The following MAGI3 variants were observed in gnomAD, a reference collection of about 807,000 sequenced individuals.
The protein encoded by MAGI3 is membrane associated guanylate kinase, WW and PDZ domain containing 3.
A neutral mutation model predicts 121.8 loss-of-function variants in MAGI3; 43 were observed. The observed-to-expected ratio is 0.35, with a 90% confidence interval of 0.28 to 0.46. MAGI3 has a LOEUF of 0.46. Ranked by LOEUF, MAGI3 falls within the 20% of genes least tolerant of loss-of-function variation. MAGI3 has a pLI of 1.00. For missense variants in MAGI3, 1,547 were observed against 1,797.3 expected (o/e 0.86, Z 2.52); for synonymous variants, 553 against 639.3 (o/e 0.86, Z 2.04).
chr1:113,649,474 T>C (rs1557874087), intron 13 of MAGI3, 146 bp downstream of exon 13: 1 of 566,992 alleles, frequency 1.8e-6, no homozygotes, highest in African/African-American at 1.9e-5. Context: ...ATTATCATAG[T>C]CCCTCAGTTA....
intron 1 of MAGI3, among the ~76,000 whole-genome samples, chr1:113,495,372 T>A (rs950653532): frequency 1.3e-5 from 2 of 151,284 alleles, no homozygotes; most frequent in African/African-American, 4.9e-5. Flanking sequence ...TTTTTTTTTT[T>A]AATTTCAGTA....
At chr1:113,647,717 G>C (rs558386266) in intron 12 of MAGI3, among the ~76,000 whole-genome samples, 1 of 152,282 alleles carries the variant, frequency 6.6e-6, no homozygotes, top group South Asian at 2.1e-4. Context: ...AGTTGCAGAA[G>C]TACATCTTGA....
intron 9 of MAGI3, among the ~76,000 whole-genome samples, chr1:113,638,427 T>C (rs1300423746): frequency 9.2e-5 from 14 of 152,248 alleles, no homozygotes; most frequent in Non-Finnish European, 1.9e-4. Flanking sequence ...GTCCTTTCTG[T>C]TTGTTAGTTT....
intron 1 of MAGI3, among the ~76,000 whole-genome samples, chr1:113,522,029 G>C (rs1237599167): frequency 6.6e-6 from 1 of 152,154 alleles, no homozygotes; most frequent in East Asian, 1.9e-4. Context: ...TGAGCTCTGG[G>C]TGTGGAGCTT....
intron 8 of MAGI3, among the ~76,000 whole-genome samples, chr1:113,620,751 C>T (rs1650769044): frequency 2.0e-5 from 3 of 152,146 alleles, no homozygotes; most frequent in African/African-American, 7.2e-5. Context: ...TAGGTGCCAT[C>T]ATAGAGTAGT....
chr1:113,486,448 AGTTT>A lies in MAGI3; in HGVS notation c.317-63050_317-63047del, dbSNP rs754936706. 7.9e-5 allele frequency among the ~76,000 whole-genome samples: 12 copies of A among 151,834 alleles called. 1 individual carries two copies. The highest frequency in any genetic ancestry group is 2.6e-4 in the Admixed American group (4 of 15,240). On this transcript the variant is annotated intron_variant, in intron 1 of 20. Coordinates refer to ENST00000307546, the MANE Select transcript of MAGI3 (RefSeq NM_001142782.2). ...ACCTCCTTGGTTAGGTATATTCCTA[AGTTT>A]GTTTGTTTGTTTGTTTTGCAGCTAT... is the stretch of plus-strand genomic sequence containing the variant.
intron 12 of MAGI3, among the ~76,000 whole-genome samples, chr1:113,647,753 T>C (rs1265044762): frequency 1.3e-5 from 2 of 152,162 alleles, no homozygotes; most frequent in Non-Finnish European, 1.5e-5. Context: ...TTCAGAAAGA[T>C]GAAAACCAGT....
Position 113,654,018 on chromosome 1 carries a change from G to A in MAGI3, c.2629G>A (p.Val877Ile), listed in dbSNP as rs1290745239. 6.2e-7 allele frequency: 1 copy of A among 1,611,162 alleles called. No homozygotes were observed. Among genetic ancestry groups the A allele is most frequent in the South Asian group, 1.1e-5 (1 of 90,698 alleles). Residue 877 changes from valine (V) to isoleucine (I), a missense_variant and splice_region_variant, in exon 15 of 21, where the codon GTT becomes ATT. Val to Ile is a conservative substitution (Grantham distance 29). Transcript: ENST00000307546. ...CTCCAAAAACAAACCACCTCCAGGAGGTAAGGGCTATTGTATCTTATTGTC... is the reference window on the plus strand; with the variant it reads ...CTCCAAAAACAAACCACCTCCAGGAAGTAAGGGCTATTGTATCTTATTGTC... ...LTSKNKPPPG[V>I]IPHKIGRVIE...
intron 9 of MAGI3, among the ~76,000 whole-genome samples, chr1:113,639,924 C>T (rs940867604): frequency 2.0e-5 from 3 of 152,084 alleles, no homozygotes; most frequent in East Asian, 3.9e-4. Context: ...AGGCTGGTGT[C>T]GAATTCCTGA....
chr1:113,463,494 A>T (rs964398731), intron 1 of MAGI3, among the ~76,000 whole-genome samples: 6 of 152,058 alleles, frequency 3.9e-5, no homozygotes, highest in African/African-American at 9.7e-5. Flanking sequence ...AGTAATTTTT[A>T]AAAAAGTAAG....
chr1:113,505,996 T>C (rs1179313447), intron 1 of MAGI3, among the ~76,000 whole-genome samples: 2 of 152,170 alleles, frequency 1.3e-5, no homozygotes, highest in Non-Finnish European at 2.9e-5. Flanking sequence ...CATTGGAGGC[T>C]GTGCTAATTT....
At chr1:113,486,035 A>T (rs1656364539) in intron 1 of MAGI3, among the ~76,000 whole-genome samples, 1 of 152,076 alleles carries the variant, frequency 6.6e-6, no homozygotes. Context: ...GCCTATTTTT[A>T]TACCAGTACC....
At chr1:113,638,613 G>A (rs74510135) in intron 9 of MAGI3, among the ~76,000 whole-genome samples, 26 of 152,170 alleles carry the variant, frequency 1.7e-4, no homozygotes, top group Admixed American at 3.3e-4. Context: ...AGGAGTACCC[G>A]GTCATGTGAG....
chr1:113,681,531 C>T (rs577372432), intron 20 of MAGI3, among the ~76,000 whole-genome samples, 195 bp downstream of exon 20: 7 of 152,212 alleles, frequency 4.6e-5, no homozygotes, highest in East Asian at 3.9e-4. Context: ...GCAGGACTTT[C>T]GTTGGAATGG....
intron 1 of MAGI3, among the ~76,000 whole-genome samples, chr1:113,420,338 T>G (rs1652674627): frequency 6.6e-6 from 1 of 152,198 alleles, no homozygotes; most frequent in Non-Finnish European, 1.5e-5. Context: ...GGAATTCAAC[T>G]TTTACTCCAT....
chr1:113,402,523 T>C (rs1166542550), intron 1 of MAGI3, among the ~76,000 whole-genome samples: 2 of 152,176 alleles, frequency 1.3e-5, no homozygotes, highest in Admixed American at 1.3e-4. Flanking sequence ...TGTTTCTGAA[T>C]AGTTCCTGCT....
chr1:113,610,190 G>A (rs188108911), intron 6 of MAGI3, among the ~76,000 whole-genome samples: 6 of 152,232 alleles, frequency 3.9e-5, no homozygotes, highest in Non-Finnish European at 7.4e-5. Flanking sequence ...CTAGAGTGCA[G>A]TGGCGCGATC....
intron 1 of MAGI3, among the ~76,000 whole-genome samples, chr1:113,482,925 C>T (rs982469922): frequency 1.3e-4 from 19 of 151,910 alleles, no homozygotes; most frequent in Non-Finnish European, 1.5e-5. Context: ...CCCACCTCAG[C>T]CTCCTGAGTA....
intron 9 of MAGI3, among the ~76,000 whole-genome samples, chr1:113,623,369 C>G (rs939305279): frequency 6.0e-5 from 9 of 149,060 alleles, no homozygotes; most frequent in Non-Finnish European, 1.2e-4. Flanking sequence ...ATTGTGTTAT[C>G]AAAAACTAGG....
Sources: gnomAD v4.1 joint callset for allele counts (sites outside exome capture counted in the v4.1 genomes callset) on GRCh38, gnomAD v4.1.1 for gene constraint, MANE v1.5 for transcripts, NCBI Gene and HGNC (gene_info 2026-07-23, HGNC 2026-07-21) for gene names.